Variants in PRKD3 observed in about 807,000 individuals in gnomAD.
PRKD3 encodes the protein protein kinase D3, also known as serine/threonine-protein kinase D3.
PRKD3 carries 47 observed loss-of-function variants against 99.2 expected under a neutral mutation model. The observed-to-expected ratio is 0.47, with a 90% CI of 0.38 to 0.60. The LOEUF (loss-of-function observed/expected upper bound fraction) is 0.60, where lower values mean the gene tolerates loss of function less well. PRKD3 is among the 20% of genes least tolerant of loss of function. PRKD3 has a pLI of 0.00. For missense variants in PRKD3, 1,019 were observed against 1,088.4 expected, an observed-to-expected ratio of 0.94 and a Z score of 0.90; for synonymous variants, 392 against 355.4, an observed-to-expected ratio of 1.10 and a Z score of -1.16.
At chr2:37,290,328 G>A (rs905028509) in intron 4 of PRKD3, among the ~76,000 whole-genome samples, 3 of 152,130 alleles carry the variant, frequency 2.0e-5, no homozygotes, top group Non-Finnish European at 4.4e-5. Flanking sequence ...ACCCAGGCAG[G>A]TTCAAGCGAT....
At chr2:37,256,362 AG>A (rs1667936373) in intron 17 of PRKD3, among the ~76,000 whole-genome samples, 2 of 152,218 alleles carry the variant, frequency 1.3e-5, no homozygotes, top group South Asian at 4.1e-4. Flanking sequence ...AGTAGTGACT[AG>A]GAAGGACCAG....
chr2:37,266,635 C>T (rs915706810), intron 14 of PRKD3, among the ~76,000 whole-genome samples: 2 of 151,996 alleles, frequency 1.3e-5, no homozygotes, highest in Non-Finnish European at 2.9e-5. Flanking sequence ...TATGGGCATG[C>T]GCCACCGTGC....
At chr2:37,288,238 C>T (rs1307378710) in intron 5 of PRKD3, among the ~76,000 whole-genome samples, 1 of 152,188 alleles carries the variant, frequency 6.6e-6, no homozygotes, top group Non-Finnish European at 1.5e-5. Flanking sequence ...CTGTGCAGTT[C>T]AGTGTATAAG....
At chr2:37,305,544 T>C (rs1671123740) in intron 2 of PRKD3, among the ~76,000 whole-genome samples, 1 of 152,242 alleles carries the variant, frequency 6.6e-6, no homozygotes, top group African/African-American at 2.4e-5. Context: ...GGAGAAGTGC[T>C]ATTGAGTGCA....
chr2:37,252,848 T>TATAC lies in PRKD3; in HGVS notation c.*328_*329insGTAT, dbSNP rs1491247102. ...AAACAAACAAACATATATTTATATTTATATATATATATATAAAGAGAAATG... is the reference window on the plus strand; with the variant it reads ...AAACAAACAAACATATATTTATATTTATACATATATATATATATAAAGAGAAATG... On this transcript the variant is annotated 3_prime_UTR_variant, in exon 19 of 19. Transcript: ENST00000234179. The TATAC allele has an allele frequency of 3.7e-5, 1 of 26,914 alleles. No homozygotes were observed. Among genetic ancestry groups the TATAC allele is most frequent in the Admixed American group, 7.8e-4 (1 of 1,290 alleles). The allele number at this position is 26,914 out of a possible 1,614,324, so 1.7% of individuals were successfully genotyped here.
intron 2 of PRKD3, among the ~76,000 whole-genome samples, chr2:37,305,392 T>C (rs1166542728): frequency 1.3e-5 from 2 of 152,364 alleles, no homozygotes; most frequent in East Asian, 1.9e-4. Context: ...GTAAACAGCA[T>C]TATAACTTAA....
intron 1 of PRKD3, among the ~76,000 whole-genome samples, chr2:37,323,670 A>G (rs1671977469): frequency 6.6e-6 from 1 of 152,196 alleles, no homozygotes; most frequent in Non-Finnish European, 1.5e-5. Context: ...CATTAAGTAG[A>G]AGGGTAAAAA....
At chr2:37,309,621 T>C (rs1233076817) in intron 2 of PRKD3, among the ~76,000 whole-genome samples, 2 of 152,082 alleles carry the variant, frequency 1.3e-5, no homozygotes, top group African/African-American at 4.8e-5. Flanking sequence ...AGGCCAAGGC[T>C]GGCAGATCAT....
At chr2:37,269,479 C>A in intron 13 of PRKD3, 136 bp downstream of exon 13, 1 of 700,084 alleles carries the variant, frequency 1.4e-6, no homozygotes. Context: ...AAGGATTTAG[C>A]TGAAAGATAA....
intron 2 of PRKD3, among the ~76,000 whole-genome samples, chr2:37,296,506 A>C (rs1206377824): frequency 2.0e-5 from 3 of 151,760 alleles, no homozygotes. Flanking sequence ...ATTAGAGTTC[A>C]TAAAGGAAAA....
intron 6 of PRKD3, among the ~76,000 whole-genome samples, chr2:37,283,641 T>A (rs1380159873): frequency 6.6e-6 from 1 of 152,134 alleles, no homozygotes; most frequent in East Asian, 1.9e-4. Context: ...AGATTTGTGT[T>A]TTATCTCATG....
chr2:37,272,855 C>T (rs1669357282), intron 11 of PRKD3, among the ~76,000 whole-genome samples: 1 of 151,928 alleles, frequency 6.6e-6, no homozygotes, highest in Non-Finnish European at 1.5e-5. Flanking sequence ...TAGTGGTGTG[C>T]ACCGGTAGTC....
rs752187361 is a variant in PRKD3, at chr2:37,256,972, T to A, written c.2146-43A>T. On this transcript the variant is annotated intron_variant, in intron 16 of 18. Coordinates refer to ENST00000234179, the MANE Select transcript of PRKD3 (RefSeq NM_005813.6). ...ATGTTAATTTTGTATTATAGTGTTA[T>A]ATATGTAACTACCTGTCCCTAAATA... The A allele has an allele frequency of 1.9e-6, 3 of 1,595,548 alleles. No individual in the cohort carries two copies. In the South Asian group the frequency reaches 3.3e-5, roughly 18 times the overall value.
chr2:37,257,671 GAAAA>G (rs1164110574), intron 16 of PRKD3, among the ~76,000 whole-genome samples: 2 of 28,540 alleles, frequency 7.0e-5, no homozygotes, highest in South Asian at 1.1e-3. Context: ...TGTCTCAAAA[GAAAA>G]AAAAAAAAAA....
rs80100621 is a variant in PRKD3, at chr2:37,306,126, T to C, written c.288+10111A>G. 4.8e-3 allele frequency among the ~76,000 whole-genome samples: 731 copies of C among 151,828 alleles called. 8 individuals are homozygous for C. Among genetic ancestry groups the C allele is most frequent in the African/African-American group, 0.016 (668 of 41,416 alleles). ...TAACAGAGTTAATGTAATTTCAAGG[T>C]TGAAAATCCAAGCATGAACAATCAC... On this transcript the variant is annotated intron_variant, in intron 2 of 18. Coordinates refer to ENST00000234179, the MANE Select transcript of PRKD3 (RefSeq NM_005813.6).
At chr2:37,287,421 T>C (rs10178975) in intron 5 of PRKD3, among the ~76,000 whole-genome samples, 106,261 of 151,154 alleles carry the variant, frequency 0.7, 37,982 homozygotes, top group East Asian at 0.98. Context: ...CTTGCACTTC[T>C]CTGTCTCTTG....
chr2:37,302,106 C>G (rs1445140103), intron 2 of PRKD3, among the ~76,000 whole-genome samples: 1 of 152,154 alleles, frequency 6.6e-6, no homozygotes, highest in African/African-American at 2.4e-5. Flanking sequence ...TTTTGAAAAC[C>G]AGACAAGTCC....
intron 1 of PRKD3, among the ~76,000 whole-genome samples, chr2:37,321,446 A>T (rs1445746695): frequency 6.6e-6 from 1 of 152,214 alleles, no homozygotes; most frequent in African/African-American, 2.4e-5. Context: ...CGGTAATATC[A>T]CAAGTTTATC....
chr2:37,282,560 C>G lies in PRKD3; in HGVS notation c.970G>C (p.Glu324Gln). Residue 324 changes from glutamate (E) to glutamine (Q), a missense_variant, in exon 7 of 19, where the codon GAG (glutamate) becomes CAG (glutamine). By Grantham distance (29) the Glu-to-Gln change is conservative. This residue lies in a region of PRKD3 where 710 missense variants were observed against 692.7 expected (regional missense o/e 1.02). Coordinates refer to ENST00000234179, the MANE Select transcript of PRKD3 (RefSeq NM_005813.6). ...ATTTTACCTCCATTGAAAGTAACCT[C>G]TCCAAGGCAGTCTCTTGGTACTTTT... ...ASKVPRDCLG[E>Q]VTFNGEPSSL... The G allele has an allele frequency of 6.3e-7, 1 of 1,595,400 alleles. No individual in the cohort carries two copies. The highest frequency in any genetic ancestry group is 8.6e-7 in the Non-Finnish European group (1 of 1,163,198).
Sources: allele counts gnomAD v4.1 joint callset (sites outside exome capture counted in the v4.1 genomes callset), GRCh38; gene constraint gnomAD v4.1.1; regional missense constraint gnomAD v4.1.1; transcripts MANE v1.5; gene names NCBI Gene and HGNC (gene_info 2026-07-23, HGNC 2026-07-21).